The following TAFA2 variants were observed in gnomAD, a reference collection of about 807,000 sequenced individuals.
TAFA2 encodes the protein chemokine-like protein TAFA-2.
TAFA2 carries 7 observed loss-of-function variants against 18.8 expected under a neutral mutation model. The observed-to-expected ratio is 0.37, with a 90% CI of 0.21 to 0.70. The LOEUF (loss-of-function observed/expected upper bound fraction) is 0.70. Ranked by LOEUF, TAFA2 falls within the 30% of genes least tolerant of loss-of-function variation. The pLI is 0.53. For missense variants in TAFA2, 122 were observed against 158.1 expected (o/e 0.77, Z 1.23); for synonymous variants, 60 against 54.2 (o/e 1.11, Z -0.47).
chr12:62,071,461 G>T (rs746382633), intron 1 of TAFA2, among the ~76,000 whole-genome samples: 14 of 152,142 alleles, frequency 9.2e-5, no homozygotes, highest in Non-Finnish European at 1.8e-4. Context: ...GAGCAACATG[G>T]TCTCATTCGC....
intron 1 of TAFA2, among the ~76,000 whole-genome samples, chr12:62,028,883 C>A (rs1395062758): frequency 1.3e-5 from 2 of 152,186 alleles, no homozygotes; most frequent in African/African-American, 4.8e-5. Context: ...CTGTTTGCTT[C>A]TCTTCAACCC....
At chr12:61,878,414 T>G (rs2121262725) in intron 1 of TAFA2, among the ~76,000 whole-genome samples, 1 of 152,332 alleles carries the variant, frequency 6.6e-6, no homozygotes, top group East Asian at 1.9e-4. Flanking sequence ...TACATTTATT[T>G]TCTTCGTGGC....
chr12:61,989,697 C>T (rs1330417999), intron 1 of TAFA2, among the ~76,000 whole-genome samples: 1 of 152,086 alleles, frequency 6.6e-6, no homozygotes, highest in Non-Finnish European at 1.5e-5. Flanking sequence ...GGCAAGCTTC[C>T]AATCATTTGA....
intron 2 of TAFA2, among the ~76,000 whole-genome samples, chr12:61,819,092 A>G (rs1290209809): frequency 7.9e-5 from 12 of 152,270 alleles, no homozygotes; most frequent in African/African-American, 1.9e-4. Context: ...TGTTTAGTAT[A>G]TATCACCTAC....
At chr12:61,720,984 C>T (rs796273269) in intron 4 of TAFA2, 5 of 509,198 alleles carry the variant, frequency 9.8e-6, no homozygotes, top group African/African-American at 9.6e-5. Context: ...AGAAAGCAAA[C>T]CTGGGAGAAA....
chr12:61,862,030 C>G (rs535051920), intron 2 of TAFA2, among the ~76,000 whole-genome samples: 1 of 152,076 alleles, frequency 6.6e-6, no homozygotes, highest in African/African-American at 2.4e-5. Flanking sequence ...AATAAAAATT[C>G]TTTTCCAAAC....
intron 1 of TAFA2, among the ~76,000 whole-genome samples, chr12:61,989,419 A>T (rs1050958796): frequency 2.0e-5 from 3 of 150,074 alleles, no homozygotes; most frequent in Admixed American, 1.3e-4. Context: ...ACATTGACAA[A>T]TGTCCATCGC....
intron 1 of TAFA2, among the ~76,000 whole-genome samples, chr12:62,138,818 GA>G (rs2062217925): frequency 6.6e-6 from 1 of 152,134 alleles, no homozygotes; most frequent in African/African-American, 2.4e-5. Flanking sequence ...TAAATCAATG[GA>G]AACAGAAACG....
chr12:62,152,381 C>G (rs1406999362), intron 1 of TAFA2, among the ~76,000 whole-genome samples: 2 of 152,174 alleles, frequency 1.3e-5, no homozygotes, highest in African/African-American at 4.8e-5. Context: ...TTCAGAAATT[C>G]ACTAGACCCA....
chr12:62,083,990 T>C (rs956164846), intron 1 of TAFA2, among the ~76,000 whole-genome samples: 7 of 152,194 alleles, frequency 4.6e-5, no homozygotes, highest in Non-Finnish European at 1.0e-4. Flanking sequence ...CAAGAAAAGA[T>C]ACATCAATAT....
chr12:62,176,226 G>A (rs1241369227), intron 1 of TAFA2, among the ~76,000 whole-genome samples: 1 of 152,126 alleles, frequency 6.6e-6, no homozygotes, highest in Non-Finnish European at 1.5e-5. Context: ...TACTTGGAAA[G>A]GGATTGTCTG....
At position 61,772,257 on chromosome 12, in the gene TAFA2, G is replaced by A. The variant is rs568368764; in HGVS notation, c.107-17233C>T. 1.5e-3 allele frequency among the ~76,000 whole-genome samples: 223 copies of A among 151,902 alleles called. 2 individuals are homozygous for A. The highest frequency in any genetic ancestry group is 4.8e-3 in the African/African-American group (199 of 41,512). ...ATAAAAAATTGCCAAGAAAAAACAAGTCCAGGATCAGATAAATTCACAGTT... is the reference window on the plus strand; with the variant it reads ...ATAAAAAATTGCCAAGAAAAAACAAATCCAGGATCAGATAAATTCACAGTT... On this transcript the variant is annotated intron_variant, in intron 2 of 4. Coordinates refer to ENST00000416284, the MANE Select transcript of TAFA2 (RefSeq NM_178539.5).
intron 2 of TAFA2, among the ~76,000 whole-genome samples, chr12:61,755,719 T>C (rs895270366): frequency 6.6e-6 from 1 of 152,078 alleles, no homozygotes; most frequent in African/African-American, 2.4e-5. Context: ...CCCAGTCCAA[T>C]AAGCTGTCAG....
At chr12:61,846,135 T>C (rs891419243) in intron 2 of TAFA2, among the ~76,000 whole-genome samples, 1 of 152,310 alleles carries the variant, frequency 6.6e-6, no homozygotes, top group African/African-American at 2.4e-5. Flanking sequence ...CAACAAAAGT[T>C]GATCTTGAAA....
intron 1 of TAFA2, among the ~76,000 whole-genome samples, chr12:62,121,109 ATT>A (rs2136879441): frequency 6.6e-6 from 1 of 151,918 alleles, no homozygotes; most frequent in East Asian, 1.9e-4. Context: ...CTGCATCATG[ATT>A]TCTATGAACT....
intron 1 of TAFA2, among the ~76,000 whole-genome samples, chr12:62,108,696 G>A (rs1054320324): frequency 6.6e-6 from 1 of 152,146 alleles, no homozygotes; most frequent in African/African-American, 2.4e-5. Flanking sequence ...GTGTGAGATG[G>A]TATCTCATTA....
intron 1 of TAFA2, among the ~76,000 whole-genome samples, chr12:62,187,477 G>A (rs2062594201): frequency 6.6e-6 from 1 of 152,112 alleles, no homozygotes; most frequent in Non-Finnish European, 1.5e-5. Context: ...TTACATGGGT[G>A]TCATTTAAAG....
At chr12:61,852,106 C>T (rs1873695883) in intron 2 of TAFA2, among the ~76,000 whole-genome samples, 2 of 151,302 alleles carry the variant, frequency 1.3e-5, no homozygotes, top group Non-Finnish European at 2.9e-5. Flanking sequence ...ACTCAAGAGG[C>T]TGAGGCAGGA....
intron 2 of TAFA2, among the ~76,000 whole-genome samples, chr12:61,801,120 A>G (rs1386293632): frequency 1.3e-5 from 2 of 152,106 alleles, no homozygotes; most frequent in African/African-American, 4.8e-5. Context: ...GAAATGAAAG[A>G]TGACACAAAT....
Sources: allele counts gnomAD v4.1 joint callset (sites outside exome capture counted in the v4.1 genomes callset), GRCh38; gene constraint gnomAD v4.1.1; transcripts MANE v1.5; gene names NCBI Gene and HGNC (gene_info 2026-07-23, HGNC 2026-07-21).